The following GABRB1 variants were observed in gnomAD, a reference collection of about 807,000 sequenced individuals.
GABRB1 encodes the protein gamma-aminobutyric acid type A receptor subunit beta1.
GABRB1 carries 17 observed loss-of-function variants against 51.6 expected under a neutral mutation model. The ratio of observed to expected loss-of-function variants is 0.33; its 90% CI spans 0.23 to 0.49. The LOEUF is 0.49. Among genes scored for constraint, GABRB1 ranks in the 20% least tolerant of loss-of-function variants. GABRB1 has a pLI of 0.99. For missense variants in GABRB1, 410 were observed against 600.6 expected, an observed-to-expected ratio of 0.68 and a Z score of 3.32; for synonymous variants, 247 against 218.9, an observed-to-expected ratio of 1.13 and a Z score of -1.14.
chr4:46,996,333 C>A (rs972249020), intron 1 of GABRB1, among the ~76,000 whole-genome samples: 2 of 151,974 alleles, frequency 1.3e-5, no homozygotes, highest in Non-Finnish European at 2.9e-5. Context: ...AGTACACTAT[C>A]CCCAAATATC....
At chr4:47,392,589 G>A (rs770788120) in intron 5 of GABRB1, among the ~76,000 whole-genome samples, 2 of 152,080 alleles carry the variant, frequency 1.3e-5, no homozygotes, top group Admixed American at 6.5e-5. Flanking sequence ...AGATCTGCCC[G>A]CCTTGGCCTC....
chr4:47,238,993 CA>C (rs753655169), intron 4 of GABRB1, among the ~76,000 whole-genome samples: 5 of 152,164 alleles, frequency 3.3e-5, no homozygotes, highest in Admixed American at 2.0e-4. Context: ...TTATGGCTCA[CA>C]AAATTTTCAT....
At chr4:47,299,103 G>T (rs1724138520) in intron 4 of GABRB1, among the ~76,000 whole-genome samples, 1 of 151,388 alleles carries the variant, frequency 6.6e-6, no homozygotes, top group Admixed American at 6.6e-5. Context: ...ATGGATTAAA[G>T]ATTTAAATGT....
At chr4:47,045,633 A>G (rs1422916536) in intron 3 of GABRB1, among the ~76,000 whole-genome samples, 1 of 152,012 alleles carries the variant, frequency 6.6e-6, no homozygotes, top group African/African-American at 2.4e-5. Flanking sequence ...TGCTTGGTTC[A>G]AAGACAGCCT....
chr4:47,164,678 A>C (rs578201737), intron 4 of GABRB1, among the ~76,000 whole-genome samples: 3 of 152,252 alleles, frequency 2.0e-5, no homozygotes, highest in African/African-American at 4.8e-5. Context: ...AAACTCGGTA[A>C]GCTCAATATG....
chr4:47,070,817 G>A (rs1256966642), intron 3 of GABRB1, among the ~76,000 whole-genome samples: 2 of 152,054 alleles, frequency 1.3e-5, no homozygotes, highest in African/African-American at 2.4e-5. Context: ...CCTACTCCAT[G>A]AATGAGTTCA....
At chr4:47,137,966 T>A (rs1435651931) in intron 3 of GABRB1, among the ~76,000 whole-genome samples, 1 of 152,096 alleles carries the variant, frequency 6.6e-6, no homozygotes, top group Admixed American at 6.6e-5. Flanking sequence ...ACCCATGTAA[T>A]TGTGATTAAG....
chr4:47,081,222 AT>A (rs1044264246), intron 3 of GABRB1, among the ~76,000 whole-genome samples: 1 of 152,176 alleles, frequency 6.6e-6, no homozygotes, highest in Non-Finnish European at 1.5e-5. Flanking sequence ...TTCCCAAATA[AT>A]TATGGGGTAT....
At chr4:47,291,622 A>T (rs1447455645) in intron 4 of GABRB1, among the ~76,000 whole-genome samples, 2 of 152,196 alleles carry the variant, frequency 1.3e-5, no homozygotes, top group Non-Finnish European at 2.9e-5. Context: ...GCCACAGAGG[A>T]AGAGCCACCG....
intron 3 of GABRB1, among the ~76,000 whole-genome samples, chr4:47,041,127 G>C (rs1577851541): frequency 6.6e-6 from 1 of 152,112 alleles, no homozygotes; most frequent in East Asian, 1.9e-4. Context: ...ATTTGGTGAT[G>C]AAATGAGACC....
chr4:47,140,653 T>C (rs1449778229), intron 3 of GABRB1, among the ~76,000 whole-genome samples: 3 of 151,938 alleles, frequency 2.0e-5, no homozygotes, highest in Admixed American at 6.6e-5. Flanking sequence ...CTACTTTTTT[T>C]CCTAACTCCC....
intron 4 of GABRB1, among the ~76,000 whole-genome samples, chr4:47,198,795 T>G (rs924172988): frequency 6.6e-6 from 1 of 152,196 alleles, no homozygotes; most frequent in Non-Finnish European, 1.5e-5. Context: ...GAGGCTTGAT[T>G]GACTCACGGT....
intron 3 of GABRB1, among the ~76,000 whole-genome samples, chr4:47,134,748 G>A (rs1716566111): frequency 6.6e-6 from 1 of 152,110 alleles, no homozygotes; most frequent in South Asian, 2.1e-4. Flanking sequence ...AGGTGGAAAA[G>A]GACACAAAGG....
At position 47,406,713 on chromosome 4, in the gene GABRB1, C is replaced by T. The variant is rs1728585282; in HGVS notation, c.867C>T (p.Ile289=). Reference sequence around the variant, plus strand: ...CGACAGTGCTTACAATGACAACCATCAGCACCCACCTCAGGGAGACCCTGC... The same window carrying T: ...CGACAGTGCTTACAATGACAACCATTAGCACCCACCTCAGGGAGACCCTGC... ...GITTVLTMTT[I]STHLRETLPK... The change falls in exon 8 of 9, where the codon ATC becomes ATT. Residue 289 remains isoleucine (I), a synonymous_variant. Transcript: ENST00000295454. 6.2e-7 allele frequency: 1 copy of T among 1,614,076 alleles called. No homozygotes were observed. The highest frequency in any genetic ancestry group is 2.2e-5 in the East Asian group (1 of 44,894).
At chr4:47,073,493 T>C (rs1010681225) in intron 3 of GABRB1, among the ~76,000 whole-genome samples, 2 of 152,058 alleles carry the variant, frequency 1.3e-5, no homozygotes, top group African/African-American at 4.8e-5. Flanking sequence ...CAGGTATACA[T>C]GGAAAAGTGA....
intron 4 of GABRB1, among the ~76,000 whole-genome samples, chr4:47,304,911 T>C (rs1418984968): frequency 2.0e-5 from 3 of 152,114 alleles, no homozygotes; most frequent in African/African-American, 4.8e-5. Context: ...TGTGAATACT[T>C]CCTTTTCTCA....
chr4:47,424,191 A>T (rs1306483112), intron 8 of GABRB1, among the ~76,000 whole-genome samples: 1 of 152,214 alleles, frequency 6.6e-6, no homozygotes, highest in Non-Finnish European at 1.5e-5. Flanking sequence ...AGTGTAACAA[A>T]GGCCAGGGAC....
At chr4:47,036,586 G>A (rs1177249663) in intron 3 of GABRB1, among the ~76,000 whole-genome samples, 6 of 152,172 alleles carry the variant, frequency 3.9e-5, no homozygotes, top group Non-Finnish European at 1.5e-5. Context: ...AATTGGCTGG[G>A]TACAGTGGCC....
intron 8 of GABRB1, among the ~76,000 whole-genome samples, chr4:47,423,915 A>C (rs548659630): frequency 6.6e-6 from 1 of 152,228 alleles, no homozygotes; most frequent in Non-Finnish European, 1.5e-5. Context: ...GATAAATTAC[A>C]TAGTAGAATT....
Sources: gnomAD v4.1 joint callset for allele counts (sites outside exome capture counted in the v4.1 genomes callset) on GRCh38, gnomAD v4.1.1 for gene constraint, MANE v1.5 for transcripts, NCBI Gene and HGNC (gene_info 2026-07-23, HGNC 2026-07-21) for gene names.